Variants in MACROD2 observed in about 807,000 individuals in gnomAD.
MACROD2 encodes the protein mono-ADP ribosylhydrolase 2, also known as ADP-ribose glycohydrolase MACROD2.
A neutral mutation model predicts 70.4 loss-of-function variants in MACROD2; 36 were observed. That is an observed-to-expected ratio of 0.51 (90% CI 0.39 to 0.68). MACROD2 has a LOEUF of 0.68. Among genes scored for constraint, MACROD2 ranks in the 30% least tolerant of loss-of-function variants. The pLI is 0.00. For missense variants in MACROD2, 496 were observed against 538.4 expected, an observed-to-expected ratio of 0.92 and a Z score of 0.78; for synonymous variants, 172 against 178.8, an observed-to-expected ratio of 0.96 and a Z score of 0.30.
At chr20:15,570,124 C>T (rs897670434) in intron 8 of MACROD2, among the ~76,000 whole-genome samples, 4 of 152,074 alleles carry the variant, frequency 2.6e-5, no homozygotes, top group Non-Finnish European at 4.4e-5. Context: ...TATTGTTTTC[C>T]GTAATGGCTG....
intron 3 of MACROD2, among the ~76,000 whole-genome samples, chr20:14,398,849 T>C (rs1246891867): frequency 6.6e-6 from 1 of 152,170 alleles, no homozygotes; most frequent in African/African-American, 2.4e-5. Context: ...CATATTTCCA[T>C]TTAGTATCAC....
intron 8 of MACROD2, among the ~76,000 whole-genome samples, chr20:15,808,789 A>G (rs577364705): frequency 5.9e-5 from 9 of 152,196 alleles, no homozygotes; most frequent in Admixed American, 1.3e-4. Flanking sequence ...TTTTTAATCA[A>G]TTAGGAGGCT....
intron 4 of MACROD2, among the ~76,000 whole-genome samples, chr20:14,601,888 C>A (rs1190531303): frequency 6.6e-6 from 1 of 152,116 alleles, no homozygotes; most frequent in Non-Finnish European, 1.5e-5. Context: ...TCTAACACCC[C>A]CTTCCTAAAT....
At chr20:14,902,666 T>A (rs1273668711) in intron 5 of MACROD2, among the ~76,000 whole-genome samples, 1 of 152,008 alleles carries the variant, frequency 6.6e-6, no homozygotes, top group Non-Finnish European at 1.5e-5. Context: ...CAGGACGTGC[T>A]GAGAAAGACT....
In MACROD2 at chr20:14,990,197, G is replaced by A. The variant is rs984691647; in HGVS notation, c.419-239743G>A. ...ACATTTCCAAAACCCCTATGTCAAC[G>A]AATGGGTTTTGGAAATGTGATCAGC... is the stretch of plus-strand genomic sequence containing the variant. On this transcript the variant is annotated intron_variant, in intron 5 of 17. Transcript: ENST00000684519. Among the ~76,000 whole-genome samples, 11 of 152,150 alleles carry A rather than the reference G, an allele frequency of 7.2e-5. No individual in the cohort carries two copies. The East Asian group carries it at 1.9e-3, about 27-fold the overall frequency.
intron 5 of MACROD2, among the ~76,000 whole-genome samples, chr20:15,101,759 T>C (rs1261109784): frequency 1.3e-5 from 2 of 152,016 alleles, no homozygotes; most frequent in African/African-American, 4.8e-5. Flanking sequence ...GAGTAATTTA[T>C]AATCTTAGAA....
intron 3 of MACROD2, among the ~76,000 whole-genome samples, chr20:14,099,310 A>AC: frequency 6.6e-6 from 1 of 151,690 alleles, no homozygotes; most frequent in Non-Finnish European, 1.5e-5. Flanking sequence ...TGTTACCAGT[A>AC]CCCCAGAAGC....
At chr20:15,753,958 T>C (rs570657902) in intron 8 of MACROD2, among the ~76,000 whole-genome samples, 2 of 152,282 alleles carry the variant, frequency 1.3e-5, no homozygotes, top group South Asian at 4.1e-4. Context: ...TAGGGAAAAG[T>C]TGACAAATCT....
At chr20:15,898,294 AAT>A (rs1321161898) in intron 10 of MACROD2, among the ~76,000 whole-genome samples, 3 of 152,140 alleles carry the variant, frequency 2.0e-5, no homozygotes, top group Non-Finnish European at 4.4e-5. Context: ...TCATGCCTAT[AAT>A]CCCAGCACTT....
chr20:15,316,167 G>C (rs1263999542), intron 6 of MACROD2, among the ~76,000 whole-genome samples: 2 of 148,162 alleles, frequency 1.3e-5, no homozygotes, highest in Admixed American at 6.7e-5. Context: ...AACAAAAAAA[G>C]TATAACATAT....
In MACROD2 at chr20:14,837,689, T is replaced by G. The variant is rs574716317; in HGVS notation, c.418+152730T>G. On this transcript the variant is annotated intron_variant, in intron 5 of 17. Transcript: ENST00000684519. ...ACAAAATAATTATTTTGATCAATCT[T>G]TACCAACTAACTAGCAAAATTTACC... Among the ~76,000 whole-genome samples, 6 of 152,180 alleles carry G rather than the reference T, an allele frequency of 3.9e-5. No homozygotes were observed. In the East Asian group the frequency reaches 1.2e-3, roughly 29 times the overall value.
chr20:15,325,230 G>A (rs1011470178), intron 6 of MACROD2, among the ~76,000 whole-genome samples: 2 of 151,928 alleles, frequency 1.3e-5, no homozygotes, highest in African/African-American at 4.8e-5. Flanking sequence ...CTTTTGCCAG[G>A]GTTCATTATT....
At chr20:14,685,000 TCTTAA>T in intron 5 of MACROD2, 41 bp downstream of exon 5, 1 of 1,490,074 alleles carries the variant, frequency 6.7e-7, no homozygotes, top group East Asian at 2.3e-5. Flanking sequence ...AGATGAGACA[TCTTAA>T]CTTGTTTTAC....
At chr20:14,147,649 G>C (rs1003030371) in intron 3 of MACROD2, among the ~76,000 whole-genome samples, 1 of 152,136 alleles carries the variant, frequency 6.6e-6, no homozygotes, top group African/African-American at 2.4e-5. Flanking sequence ...AAATATGTGA[G>C]TAAATTTAGA....
At chr20:15,391,517 G>T (rs1483473467) in intron 6 of MACROD2, among the ~76,000 whole-genome samples, 1 of 152,220 alleles carries the variant, frequency 6.6e-6, no homozygotes, top group African/African-American at 2.4e-5. Flanking sequence ...CCCGGCCACA[G>T]CCGTAAGTCT....
chr20:15,239,020 C>G (rs977707384), intron 6 of MACROD2, among the ~76,000 whole-genome samples: 8 of 152,084 alleles, frequency 5.3e-5, no homozygotes, highest in Non-Finnish European at 1.0e-4. Context: ...GTTATTAGAT[C>G]ACTGTATCAT....
chr20:14,872,818 A>G (rs185953802), intron 5 of MACROD2, among the ~76,000 whole-genome samples: 5 of 152,194 alleles, frequency 3.3e-5, no homozygotes, highest in East Asian at 1.9e-4. Flanking sequence ...ACTGACTCAC[A>G]GTTCAGTATG....
intron 3 of MACROD2, among the ~76,000 whole-genome samples, chr20:14,339,625 C>A (rs970423581): frequency 3.3e-5 from 5 of 152,098 alleles, no homozygotes; most frequent in African/African-American, 1.2e-4. Context: ...TTGTACTGGC[C>A]TGGGAGTTAG....
At chr20:14,373,866 C>G (rs1037990835) in intron 3 of MACROD2, among the ~76,000 whole-genome samples, 4 of 152,034 alleles carry the variant, frequency 2.6e-5, no homozygotes, top group Admixed American at 2.0e-4. Flanking sequence ...TATAGGCTTT[C>G]CTTAGAGAAT....
Sources: allele counts gnomAD v4.1 joint callset (sites outside exome capture counted in the v4.1 genomes callset), GRCh38; gene constraint gnomAD v4.1.1; transcripts MANE v1.5; gene names NCBI Gene and HGNC (gene_info 2026-07-23, HGNC 2026-07-21).